C4orf51: variants seen among roughly 807,000 people sequenced by gnomAD.
C4orf51 encodes uncharacterized protein C4orf51.
A neutral mutation model predicts 25.2 loss-of-function variants in C4orf51; 25 were observed. The observed-to-expected ratio is 0.99, with a 90% CI of 0.72 to 1.39. The LOEUF is 1.39. Among genes scored for constraint, C4orf51 ranks in the 40% most tolerant of loss-of-function variants. C4orf51 has a pLI of 0.00. For synonymous variants in C4orf51, 100 were observed against 84.5 expected, an observed-to-expected ratio of 1.18 and a Z score of -1.01; for missense variants, 252 against 239.6, an observed-to-expected ratio of 1.05 and a Z score of -0.34.
At chr4:145,749,065 G>GTA (rs70956871) in intron 1 of C4orf51, among the ~76,000 whole-genome samples, 1,622 of 116,070 alleles carry the variant, frequency 0.014, 15 homozygotes, top group Non-Finnish European at 0.021. Context: ...GTGTGTGTGT[G>GTA]TATATATATA....
intron 2 of C4orf51, among the ~76,000 whole-genome samples, chr4:145,718,980 C>T (rs1236093379): frequency 6.6e-6 from 1 of 152,222 alleles, no homozygotes; most frequent in East Asian, 1.9e-4. Context: ...TTCACATTCT[C>T]AGCGTCTTCA....
At chr4:145,758,179 T>C (rs1024920738), downstream of C4orf51, 26 of 152,254 alleles carry the variant, frequency 1.7e-4, no homozygotes, top group African/African-American at 5.5e-4. Flanking sequence ...ACTTTTATAA[T>C]TTACCAGAAA....
At chr4:145,781,014 G>A in the C4orf51 span, among the ~76,000 whole-genome samples, 2 of 152,064 alleles carry the variant, frequency 1.3e-5, no homozygotes, top group African/African-American at 4.8e-5. Flanking sequence ...GGCTAACACG[G>A]TGAAACACTG....
At position 145,680,197 on chromosome 4, in the gene C4orf51, C is replaced by A; in HGVS notation, c.-7C>A. 6.3e-7 allele frequency: 1 copy of A among 1,592,616 alleles called. No homozygotes were observed. The highest frequency in any genetic ancestry group is 1.1e-5 in the South Asian group (1 of 90,546). On this transcript the variant is annotated 5_prime_UTR_variant, in exon 1 of 6. Transcript: ENST00000438731. ...CAAGTTGTTTTCCAGAGAGGCCGTTCGTAGTTATGTCACACTACTTCTACT... is the reference window on the plus strand; with the variant it reads ...CAAGTTGTTTTCCAGAGAGGCCGTTAGTAGTTATGTCACACTACTTCTACT...
chr4:145,696,477 G>A (rs1166967168), intron 1 of C4orf51, 82 bp from the exon 2 acceptor site: 2 of 1,134,310 alleles, frequency 1.8e-6, no homozygotes, highest in African/African-American at 1.6e-5. Context: ...AAGATGAATG[G>A]AAATCCCTGT....
At chr4:145,740,774 A>C (rs1294858755) in intron 1 of C4orf51, among the ~76,000 whole-genome samples, 1 of 152,262 alleles carries the variant, frequency 6.6e-6, no homozygotes, top group African/African-American at 2.4e-5. Flanking sequence ...AGGCTTTGCC[A>C]GATGGTCTCC....
At chr4:145,736,697 G>A (rs1394600465), downstream of C4orf51, among the ~76,000 whole-genome samples, 3 of 152,218 alleles carry the variant, frequency 2.0e-5, no homozygotes, top group Non-Finnish European at 4.4e-5. Flanking sequence ...TGGCACAGGA[G>A]CCTGAAGCGT....
chr4:145,733,694 C>T (rs1370176054), downstream of C4orf51, among the ~76,000 whole-genome samples: 1 of 152,192 alleles, frequency 6.6e-6, no homozygotes, highest in Non-Finnish European at 1.5e-5. Flanking sequence ...TCTCTTAGCC[C>T]TAGGTCGGGT....
chr4:145,693,034 T>A (rs868604682), intron 1 of C4orf51, among the ~76,000 whole-genome samples: 1,339 of 91,516 alleles, frequency 0.015, 30 homozygotes, highest in African/African-American at 0.057. Flanking sequence ...TTTTTTTTTT[T>A]ATTAAATTTA....
chr4:145,759,844 C>T (rs1473356458), intron 1 of C4orf51: 2 of 152,034 alleles, frequency 1.3e-5, no homozygotes, highest in Non-Finnish European at 2.9e-5. Context: ...ATTTTTTCAC[C>T]CATACATTTC....
At chr4:145,687,714 A>C (rs1346866899) in intron 1 of C4orf51, among the ~76,000 whole-genome samples, 1 of 152,216 alleles carries the variant, frequency 6.6e-6, no homozygotes, top group East Asian at 1.9e-4. Flanking sequence ...GGAGTGAAAA[A>C]GCAGCAGCAT....
chr4:145,786,614 A>T, the C4orf51 span, among the ~76,000 whole-genome samples: 1 of 152,170 alleles, frequency 6.6e-6, no homozygotes, highest in Non-Finnish European at 1.5e-5. Context: ...TCCATGCAGA[A>T]AGCAGAGGGC....
chr4:145,772,694 T>C (rs763160322), downstream of C4orf51, among the ~76,000 whole-genome samples: 2 of 152,234 alleles, frequency 1.3e-5, no homozygotes, highest in Non-Finnish European at 2.9e-5. Flanking sequence ...CCCTGGCTTA[T>C]AAAATAGGTT....
downstream of C4orf51, among the ~76,000 whole-genome samples, chr4:145,733,542 T>C (rs1431432322): frequency 6.6e-6 from 1 of 151,694 alleles, no homozygotes; most frequent in East Asian, 1.9e-4. Flanking sequence ...AGCCCCGCTC[T>C]CTGCTCCCCA....
chr4:145,701,078 C>T (rs752166629), intron 2 of C4orf51, among the ~76,000 whole-genome samples: 21 of 152,092 alleles, frequency 1.4e-4, no homozygotes, highest in Non-Finnish European at 2.5e-4. Context: ...AACCCTGAGA[C>T]GCTTTACAGC....
intron 3 of C4orf51, among the ~76,000 whole-genome samples, chr4:145,728,384 TTTGA>T (rs992845739): frequency 3.9e-5 from 6 of 152,188 alleles, no homozygotes; most frequent in African/African-American, 1.4e-4. Flanking sequence ...ATTTCATTTC[TTTGA>T]TTATTAGTGA....
chr4:145,719,067 A>G (rs1439345053), intron 2 of C4orf51, among the ~76,000 whole-genome samples: 1 of 152,196 alleles, frequency 6.6e-6, no homozygotes, highest in Admixed American at 6.5e-5. Flanking sequence ...TTCTCCTACT[A>G]GAACATAAGC....
chr4:145,781,718 C>CA, the C4orf51 span, among the ~76,000 whole-genome samples: 1 of 152,190 alleles, frequency 6.6e-6, no homozygotes, highest in Non-Finnish European at 1.5e-5. Flanking sequence ...ACGCAGTGGG[C>CA]ATTTCAGCTG....
At chr4:145,726,694 A>C (rs1732080442) in intron 2 of C4orf51, among the ~76,000 whole-genome samples, 1 of 152,220 alleles carries the variant, frequency 6.6e-6, no homozygotes, top group South Asian at 2.1e-4. Flanking sequence ...GCCATGAGCC[A>C]CGGTGTCTGG....
Sources: allele counts gnomAD v4.1 joint callset (sites outside exome capture counted in the v4.1 genomes callset), GRCh38; gene constraint gnomAD v4.1.1; transcripts MANE v1.5; gene names NCBI Gene and HGNC (gene_info 2026-07-23, HGNC 2026-07-21).